The following ASTN2 variants were observed in gnomAD, a reference collection of about 807,000 sequenced individuals.
The protein encoded by ASTN2 is astrotactin-2.
In ASTN2, 54 loss-of-function variants were observed where a neutral mutation model predicts 139.8. The observed-to-expected ratio is 0.39, with a 90% confidence interval of 0.31 to 0.48. ASTN2 has a LOEUF of 0.48. ASTN2 is among the 20% of genes least tolerant of loss of function. ASTN2 has a pLI of 0.95. For missense variants in ASTN2, 1,565 were observed against 1,725.1 expected, an observed-to-expected ratio of 0.91 and a Z score of 1.64; for synonymous variants, 756 against 719.5, an observed-to-expected ratio of 1.05 and a Z score of -0.81.
rs538571121 is a variant in ASTN2 at position 116,449,999 on chromosome 9, T to A, written c.3498-7446A>T. Among the ~76,000 whole-genome samples, 5 of 152,320 alleles carry A rather than the reference T, an allele frequency of 3.3e-5. No individual in the cohort carries two copies. In the South Asian group the frequency reaches 8.3e-4, roughly 25 times the overall value. ...CCCAACCTACTATGTACTGTCTGAA[T>A]TTTCAACCCACAGATCCATGAGCAA... On this transcript the variant is annotated intron_variant, in intron 20 of 22. Transcript: ENST00000313400.
intron 7 of ASTN2, among the ~76,000 whole-genome samples, chr9:116,999,993 C>T (rs1237875741): frequency 6.6e-6 from 1 of 152,182 alleles, no homozygotes; most frequent in Non-Finnish European, 1.5e-5. Flanking sequence ...GAGATGATAT[C>T]ATATTTTCTT....
At chr9:117,188,615 G>C (rs1219119067) in intron 3 of ASTN2, among the ~76,000 whole-genome samples, 1 of 152,152 alleles carries the variant, frequency 6.6e-6, no homozygotes, top group Non-Finnish European at 1.5e-5. Flanking sequence ...TCCTGCCAAA[G>C]ATGTTAACCA....
intron 22 of ASTN2, among the ~76,000 whole-genome samples, chr9:116,439,048 GAAC>G (rs1218620536): frequency 3.9e-5 from 6 of 152,068 alleles, no homozygotes; most frequent in Admixed American, 3.9e-4. Context: ...TGCTAGAATT[GAAC>G]AACATTGTTT....
rs189809550 is a variant in ASTN2, at chr9:117,141,568, T to C, written c.1016-90A>G. On this transcript the variant is annotated intron_variant, in intron 3 of 22. Coordinates refer to ENST00000313400, the MANE Select transcript of ASTN2 (RefSeq NM_001365068.1). Reference sequence around the variant, plus strand: ...GCTGAAGTTAGGGCTTGAGCCCACCTTCAGCCCCTAGAGCACTAGACCTGG... The same window carrying C: ...GCTGAAGTTAGGGCTTGAGCCCACCCTCAGCCCCTAGAGCACTAGACCTGG... 5 of 1,205,568 alleles carry C rather than the reference T, an allele frequency of 4.1e-6. No homozygotes were observed. In the South Asian group the frequency reaches 5.5e-5, roughly 13 times the overall value. 74.7% of individuals were successfully genotyped at this position (1,205,568 alleles called of 1,614,324 possible). A position where few individuals can be genotyped will look rare whatever the true frequency, so the allele number is the denominator to read the frequency against.
intron 11 of ASTN2, among the ~76,000 whole-genome samples, chr9:116,830,629 TA>T (rs35776348): frequency 1.0e-5 from 1 of 97,680 alleles, no homozygotes; most frequent in Admixed American, 1.2e-4. Context: ...CTGTCTCTAC[TA>T]AAAGTACAAA....
intron 10 of ASTN2, among the ~76,000 whole-genome samples, chr9:116,867,592 A>G (rs1833051815): frequency 6.6e-6 from 1 of 151,122 alleles, no homozygotes; most frequent in Admixed American, 6.6e-5. Flanking sequence ...ACACAGAGCC[A>G]TGGAGAGCAG....
At chr9:117,057,060 T>G (rs1389144040) in intron 5 of ASTN2, among the ~76,000 whole-genome samples, 1 of 152,234 alleles carries the variant, frequency 6.6e-6, no homozygotes, top group African/African-American at 2.4e-5. Context: ...TCAGCTCTTT[T>G]TGTTGGAACA....
chr9:117,409,510 G>A (rs1292692828), intron 1 of ASTN2, among the ~76,000 whole-genome samples: 2 of 152,194 alleles, frequency 1.3e-5, no homozygotes, highest in African/African-American at 2.4e-5. Flanking sequence ...TCAGCATACT[G>A]GGTTGTTGGA....
intron 11 of ASTN2, among the ~76,000 whole-genome samples, chr9:116,831,634 T>C (rs1007957502): frequency 6.6e-6 from 1 of 152,142 alleles, no homozygotes; most frequent in African/African-American, 2.4e-5. Flanking sequence ...AAAAGTATAA[T>C]ATGATAAAAA....
chr9:117,180,808 T>A (rs1831044049), intron 3 of ASTN2: 1 of 1,544,452 alleles, frequency 6.5e-7, no homozygotes. Context: ...GTCTTCAAAT[T>A]CATCAACATT....
intron 2 of ASTN2, among the ~76,000 whole-genome samples, chr9:117,248,311 G>A (rs561813441): frequency 6.6e-6 from 1 of 152,344 alleles, no homozygotes; most frequent in Admixed American, 6.5e-5. Context: ...AAGCTGAAAT[G>A]TGAGTTGAGT....
At chr9:117,183,403 C>G (rs1029667368) in intron 3 of ASTN2, among the ~76,000 whole-genome samples, 2 of 152,106 alleles carry the variant, frequency 1.3e-5, no homozygotes, top group African/African-American at 4.8e-5. Flanking sequence ...ATTAATTGAC[C>G]CTTTTTCTTG....
At chr9:116,858,463 A>G (rs1447295755) in intron 11 of ASTN2, among the ~76,000 whole-genome samples, 1 of 152,162 alleles carries the variant, frequency 6.6e-6, no homozygotes, top group Non-Finnish European at 1.5e-5. Flanking sequence ...TTACTTAGAG[A>G]TGGTGGTGGA....
intron 19 of ASTN2, among the ~76,000 whole-genome samples, chr9:116,488,550 G>A (rs751247073): frequency 6.6e-6 from 1 of 152,092 alleles, no homozygotes; most frequent in African/African-American, 2.4e-5. Flanking sequence ...ACATAGAAAT[G>A]GCTATATCAA....
At position 116,698,896 on chromosome 9, in the gene ASTN2, T is replaced by G; in HGVS notation, c.2806+26875A>C. 1 of 1,614,214 alleles carries G rather than the reference T, an allele frequency of 6.2e-7. No homozygotes were observed. The highest frequency in any genetic ancestry group is 8.5e-7 in the Non-Finnish European group (1 of 1,180,046). The stretch of plus-strand genomic sequence containing the variant: ...CTCTACGTGACCAGTCAAGGTGAAG[T>G]ACTAGTCGCTGACCGTGGTAACTAT... On this transcript the variant is annotated intron_variant, in intron 16 of 22. Transcript: ENST00000313400. The surrounding 1 kb of genome is among the most constrained non-coding windows in gnomAD (Gnocchi z 4.4).
At chr9:117,255,738 CAA>C (rs1195314313) in intron 2 of ASTN2, among the ~76,000 whole-genome samples, 2 of 152,064 alleles carry the variant, frequency 1.3e-5, no homozygotes, top group East Asian at 3.9e-4. Context: ...GAATGTATGA[CAA>C]AGAGAATTGC....
At chr9:116,859,747 A>G (rs1026052275) in intron 11 of ASTN2, among the ~76,000 whole-genome samples, 1 of 152,234 alleles carries the variant, frequency 6.6e-6, no homozygotes, top group African/African-American at 2.4e-5. Flanking sequence ...TTTGAGGGCT[A>G]TGAAGGCAAA....
chr9:116,560,479 CT>C (rs35966560), intron 19 of ASTN2, among the ~76,000 whole-genome samples: 39,902 of 152,018 alleles, frequency 0.26, 6,074 homozygotes, highest in Admixed American at 0.4. Flanking sequence ...CCCTCTTCTT[CT>C]TGTTCTTCCC....
At chr9:116,560,602 T>A (rs1409207810) in intron 19 of ASTN2, among the ~76,000 whole-genome samples, 1 of 152,200 alleles carries the variant, frequency 6.6e-6, no homozygotes, top group African/African-American at 2.4e-5. Context: ...TTCTTCTGGA[T>A]GGTTCTTCCT....
Sources: allele counts gnomAD v4.1 joint callset (sites outside exome capture counted in the v4.1 genomes callset), GRCh38; gene constraint gnomAD v4.1.1; non-coding constraint Gnocchi (gnomAD v3.1); transcripts MANE v1.5; gene names NCBI Gene and HGNC (gene_info 2026-07-23, HGNC 2026-07-21).